Variants in MSR1 observed in about 807,000 individuals in gnomAD.
MSR1 encodes macrophage scavenger receptor types I and II.
MSR1 carries 53 observed loss-of-function variants against 47.2 expected under a neutral mutation model. The observed-to-expected ratio is 1.12, with a 90% CI of 0.90 to 1.41. The LOEUF (loss-of-function observed/expected upper bound fraction) is 1.41, where lower values mean the gene tolerates loss of function less well. Ranked by LOEUF, MSR1 falls within the 40% of genes most tolerant of loss-of-function variation. The pLI is 0.00. For synonymous variants in MSR1, 239 were observed against 185.6 expected, an observed-to-expected ratio of 1.29 and a Z score of -2.34; for missense variants, 786 against 546.9, an observed-to-expected ratio of 1.44 and a Z score of -4.36.
At chr8:16,187,454 C>A (rs1268507954) in intron 1 of MSR1, among the ~76,000 whole-genome samples, 1 of 149,604 alleles carries the variant, frequency 6.7e-6, no homozygotes, top group South Asian at 2.1e-4. Context: ...TTTCAACCTA[C>A]AACCCCTTGG....
chr8:16,142,636 G>C (rs1165354592), intron 8 of MSR1, among the ~76,000 whole-genome samples: 1 of 152,020 alleles, frequency 6.6e-6, no homozygotes, highest in Non-Finnish European at 1.5e-5. Flanking sequence ...AGGTTTTGTA[G>C]GGCAGATAAA....
intron 1 of MSR1, among the ~76,000 whole-genome samples, chr8:16,178,502 C>T (rs1017300043): frequency 4.6e-5 from 7 of 152,022 alleles, no homozygotes; most frequent in African/African-American, 1.4e-4. Flanking sequence ...TCCAGGCTAT[C>T]GTTGGACATT....
intron 8 of MSR1, among the ~76,000 whole-genome samples, chr8:16,124,969 A>C (rs1034269519): frequency 3.9e-5 from 6 of 152,202 alleles, no homozygotes; most frequent in African/African-American, 1.4e-4. Context: ...TATAGTTTCT[A>C]TGAGTAGAAA....
intron 4 of MSR1, among the ~76,000 whole-genome samples, chr8:16,165,880 T>C (rs1801291468): frequency 6.6e-6 from 1 of 152,166 alleles, no homozygotes; most frequent in South Asian, 2.1e-4. Flanking sequence ...TAGATTAGAA[T>C]TTCTCTATCT....
intron 8 of MSR1, among the ~76,000 whole-genome samples, chr8:16,128,043 A>T (rs1056092158): frequency 1.2e-4 from 18 of 152,200 alleles, no homozygotes; most frequent in Non-Finnish European, 2.5e-4. Context: ...ATTGGCAGTA[A>T]ACAAAAGTGA....
chr8:16,175,194 T>C lies in MSR1; in HGVS notation c.210A>G (p.Ile70Met). 1 of 1,613,748 alleles carries C rather than the reference T, an allele frequency of 6.2e-7. No individual in the cohort carries two copies. The highest frequency in any genetic ancestry group is 1.3e-5 in the African/African-American group (1 of 75,024). Residue 70 changes from isoleucine (I) to methionine (M), a missense_variant, in exon 3 of 10, where the codon ATA (isoleucine) becomes ATG (methionine). Coordinates refer to ENST00000262101, the MANE Select transcript of MSR1 (RefSeq NM_138715.3). ...AACTCTGGGTTACGTTACCTGCCAC[T>C]ATTCCAATGAGAGGGATGAGAACTG... is the stretch of plus-strand genomic sequence containing the variant. ...VFAVLIPLIG[I>M]VAAQLLKWET...
intron 7 of MSR1, among the ~76,000 whole-genome samples, chr8:16,145,090 T>C (rs192700536): frequency 6.6e-6 from 1 of 152,198 alleles, no homozygotes; most frequent in Admixed American, 6.6e-5. Context: ...CCAATTGAAA[T>C]TGTATTTTGA....
chr8:16,110,734 A>T (rs536397214), intron 9 of MSR1, among the ~76,000 whole-genome samples: 28 of 152,270 alleles, frequency 1.8e-4, no homozygotes, highest in African/African-American at 6.3e-4. Context: ...TATCAAATAC[A>T]TTATCTGTTT....
In MSR1 at chr8:16,135,451, T is replaced by C. The variant is rs1460912447; in HGVS notation, c.1033+8107A>G. ...ATATTTTAATCTTACTGTTGAGACT[T>C]ATTGCTGAGAAAAAAAATCCTTTTA... is the stretch of plus-strand genomic sequence containing the variant. On this transcript the variant is annotated intron_variant, in intron 8 of 9. Coordinates refer to ENST00000262101, the MANE Select transcript of MSR1 (RefSeq NM_138715.3). Among the ~76,000 whole-genome samples, 3 of 152,090 alleles carry C rather than the reference T, an allele frequency of 2.0e-5. No individual in the cohort carries two copies. In the South Asian group the frequency reaches 6.2e-4, roughly 32 times the overall value.
chr8:16,157,560 T>C (rs1801045482), intron 5 of MSR1, among the ~76,000 whole-genome samples: 1 of 152,016 alleles, frequency 6.6e-6, no homozygotes, highest in Non-Finnish European at 1.5e-5. Context: ...GTTTCATTTT[T>C]GTACATTGTT....
At chr8:16,173,683 T>A (rs930071822) in intron 3 of MSR1, among the ~76,000 whole-genome samples, 2 of 152,138 alleles carry the variant, frequency 1.3e-5, no homozygotes, top group African/African-American at 4.8e-5. Context: ...AGTCTCGCTC[T>A]GTCCCCTCAG....
chr8:16,187,402 AAAGC>A (rs76137532), intron 1 of MSR1, among the ~76,000 whole-genome samples: 49,204 of 141,330 alleles, frequency 0.35, 8,695 homozygotes, highest in South Asian at 0.44. Context: ...AAAGAAAGAA[AAAGC>A]AAGCAAGCAA....
intron 8 of MSR1, among the ~76,000 whole-genome samples, chr8:16,128,785 A>G (rs2117079235): frequency 6.6e-6 from 1 of 152,230 alleles, no homozygotes; most frequent in East Asian, 1.9e-4. Context: ...TCCGAAAATA[A>G]TCACTTTGTC....
intron 5 of MSR1, among the ~76,000 whole-genome samples, chr8:16,163,858 C>T (rs192705706): frequency 6.6e-6 from 1 of 151,810 alleles, no homozygotes; most frequent in East Asian, 1.9e-4. Context: ...TTTTGCTTTT[C>T]CCTTTCTATT....
intron 1 of MSR1, among the ~76,000 whole-genome samples, chr8:16,186,484 C>T (rs1023868360): frequency 6.6e-6 from 1 of 152,112 alleles, no homozygotes; most frequent in Non-Finnish European, 1.5e-5. Flanking sequence ...ACCTAGAGGT[C>T]TTCTTTTCCT....
chr8:16,164,656 G>A (rs1447480737), intron 4 of MSR1, among the ~76,000 whole-genome samples: 1 of 151,890 alleles, frequency 6.6e-6, no homozygotes, highest in Non-Finnish European at 1.5e-5. Flanking sequence ...ATTTATATTG[G>A]AAATTGTTTT....
chr8:16,138,869 G>C (rs929860183), intron 8 of MSR1, among the ~76,000 whole-genome samples: 1 of 152,168 alleles, frequency 6.6e-6, no homozygotes, highest in African/African-American at 2.4e-5. Context: ...TTAATGTCAT[G>C]TAGGCATAAA....
rs1039308971 is a variant in MSR1, at chr8:16,140,488, A to C, written c.1033+3070T>G. 1.6e-5 allele frequency: 16 copies of C among 990,906 alleles called. No individual in the cohort carries two copies. In the South Asian group the frequency reaches 6.0e-4, roughly 37 times the overall value. 61.4% of individuals were successfully genotyped at this position (990,906 alleles called of 1,614,324 possible). A position where few individuals can be genotyped will look rare whatever the true frequency, so the allele number is the denominator to read the frequency against. ...GTTGTAGTCTCATTGCGCATGAGCA[A>C]AGCATGGCGAGAAATACTACCAAAC... On this transcript the variant is annotated intron_variant, in intron 8 of 9. Transcript: ENST00000262101.
At position 16,109,319 on chromosome 8, in the gene MSR1, C is replaced by T. The variant is rs1454966617; in HGVS notation, c.*766G>A. On this transcript the variant is annotated 3_prime_UTR_variant, in exon 10 of 10. Coordinates refer to ENST00000262101, the MANE Select transcript of MSR1 (RefSeq NM_138715.3). ...CAGATTTAAATTTTAAACACCATGTCCTAGAATTGTAACAAGCTAATTATT... is the reference window on the plus strand; with the variant it reads ...CAGATTTAAATTTTAAACACCATGTTCTAGAATTGTAACAAGCTAATTATT... 1 of 152,080 alleles carries T rather than the reference C, an allele frequency of 6.6e-6. No homozygotes were observed. Among genetic ancestry groups the T allele is most frequent in the Non-Finnish European group, 1.5e-5 (1 of 67,984 alleles). The allele number at this position is 152,080 out of a possible 1,614,324, so 9.4% of individuals were successfully genotyped here.
Sources: gnomAD v4.1 joint callset for allele counts (sites outside exome capture counted in the v4.1 genomes callset) on GRCh38, gnomAD v4.1.1 for gene constraint, MANE v1.5 for transcripts, NCBI Gene and HGNC (gene_info 2026-07-23, HGNC 2026-07-21) for gene names.